LIN28B: variants seen among roughly 807,000 people sequenced by gnomAD.
LIN28B encodes protein lin-28 homolog B.
In LIN28B, 5 loss-of-function variants were observed where a neutral mutation model predicts 21.9. The observed-to-expected ratio is 0.23, with a 90% confidence interval of 0.12 to 0.48. LIN28B has a LOEUF of 0.48. Among genes scored for constraint, LIN28B ranks in the 20% least tolerant of loss-of-function variants. The pLI, the probability that LIN28B is intolerant of heterozygous loss-of-function variation, is 0.98. For synonymous variants in LIN28B, 109 were observed against 111.3 expected, an observed-to-expected ratio of 0.98 and a Z score of 0.13; for missense variants, 245 against 310.5, an observed-to-expected ratio of 0.79 and a Z score of 1.58.
intron 2 of LIN28B, among the ~76,000 whole-genome samples, chr6:105,003,812 G>A (rs545568560): frequency 6.6e-6 from 1 of 152,186 alleles, no homozygotes; most frequent in Non-Finnish European, 1.5e-5. Flanking sequence ...CACCCAGCCT[G>A]ACTTTGTTTT....
chr6:104,967,758 C>A (rs1769893704), intron 2 of LIN28B, among the ~76,000 whole-genome samples: 1 of 151,944 alleles, frequency 6.6e-6, no homozygotes, highest in Admixed American at 6.6e-5. Context: ...TAGCTCACTG[C>A]AACTTCGAAC....
At chr6:105,032,728 A>G (rs996378438) in intron 3 of LIN28B, among the ~76,000 whole-genome samples, 4 of 152,188 alleles carry the variant, frequency 2.6e-5, no homozygotes, top group South Asian at 2.1e-4. Flanking sequence ...TCAAAAAAAA[A>G]AAAATTTTTT....
intron 3 of LIN28B, among the ~76,000 whole-genome samples, chr6:105,062,124 C>T (rs992764270): frequency 7.2e-5 from 11 of 151,946 alleles, no homozygotes; most frequent in South Asian, 2.1e-4. Flanking sequence ...TTATTTTAGA[C>T]GGAATATTTT....
chr6:104,982,550 C>G lies in LIN28B; in HGVS notation c.198+24264C>G, dbSNP rs1043033781. 2.4e-4 allele frequency among the ~76,000 whole-genome samples: 37 copies of G among 152,052 alleles called. 1 individual carries two copies. The highest frequency in any genetic ancestry group is 1.0e-4 in the Non-Finnish European group (7 of 68,030). The stretch of plus-strand genomic sequence containing the variant: ...TATGACACACCAGTGCTTTATCATA[C>G]TATAGTATGCTGTCAATCTCCATGA... On this transcript the variant is annotated intron_variant, in intron 2 of 3. Transcript: ENST00000345080.
intron 2 of LIN28B, among the ~76,000 whole-genome samples, chr6:104,961,221 A>G (rs959763014): frequency 9.8e-5 from 15 of 152,330 alleles, no homozygotes; most frequent in Non-Finnish European, 1.9e-4. Context: ...TGTAAGTATT[A>G]TATTTGTGAA....
upstream of LIN28B, among the ~76,000 whole-genome samples, chr6:104,956,051 T>C (rs561731576): frequency 5.3e-5 from 8 of 152,264 alleles, no homozygotes; most frequent in Non-Finnish European, 7.4e-5. Context: ...TAGCCATTGG[T>C]AGTGGACTTT....
intron 3 of LIN28B, among the ~76,000 whole-genome samples, chr6:105,043,014 A>G (rs1356676858): frequency 1.3e-5 from 2 of 152,216 alleles, no homozygotes; most frequent in East Asian, 3.8e-4. Context: ...AGACCAAGGA[A>G]AGAACCTCTG....
intron 2 of LIN28B, among the ~76,000 whole-genome samples, chr6:105,004,492 C>A (rs1175135622): frequency 1.3e-5 from 2 of 151,862 alleles, no homozygotes; most frequent in Non-Finnish European, 2.9e-5. Context: ...CAGATATTAT[C>A]CATGAACTTC....
At chr6:105,020,860 C>G (rs1382842941) in intron 2 of LIN28B, among the ~76,000 whole-genome samples, 2 of 148,516 alleles carry the variant, frequency 1.3e-5, no homozygotes, top group Non-Finnish European at 3.0e-5. Flanking sequence ...TCACGCCATT[C>G]TCTTGCCTCA....
chr6:104,982,751 T>C (rs1419910208), intron 2 of LIN28B, among the ~76,000 whole-genome samples: 2 of 152,190 alleles, frequency 1.3e-5, no homozygotes, highest in African/African-American at 4.8e-5. Flanking sequence ...CTCATAATTA[T>C]TAAGTTAAAA....
At chr6:105,000,359 G>T (rs1770697962) in intron 2 of LIN28B, among the ~76,000 whole-genome samples, 1 of 151,602 alleles carries the variant, frequency 6.6e-6, no homozygotes, top group Admixed American at 6.6e-5. Context: ...TCACAGTAGT[G>T]TGGTGGGATT....
chr6:105,053,382 GGTGTGTGTGT>G (rs112180054), intron 3 of LIN28B, among the ~76,000 whole-genome samples: 5 of 146,552 alleles, frequency 3.4e-5, no homozygotes, highest in South Asian at 2.2e-4. Context: ...TATGTCTTAT[GGTGTGTGTGT>G]GTGTGTGTGT....
chr6:104,970,933 A>G (rs1393086028), intron 2 of LIN28B, among the ~76,000 whole-genome samples: 2 of 152,168 alleles, frequency 1.3e-5, no homozygotes. Context: ...AAGTTAAATG[A>G]GGATAAGTGT....
chr6:105,076,836 C>T (rs1351920260), intron 3 of LIN28B, among the ~76,000 whole-genome samples: 2 of 151,890 alleles, frequency 1.3e-5, no homozygotes, highest in Admixed American at 6.6e-5. Flanking sequence ...GATCTCCTGA[C>T]CTCATAATCC....
At chr6:104,966,065 G>T (rs1213971077) in intron 2 of LIN28B, among the ~76,000 whole-genome samples, 2 of 152,158 alleles carry the variant, frequency 1.3e-5, no homozygotes, top group East Asian at 3.9e-4. Context: ...GTATAGGGCT[G>T]TTAGGAGGAT....
chr6:104,998,265 C>T (rs913443742), intron 2 of LIN28B, among the ~76,000 whole-genome samples: 3 of 152,084 alleles, frequency 2.0e-5, no homozygotes, highest in African/African-American at 7.2e-5. Context: ...AATTGAAGTC[C>T]TGTGACTATA....
At chr6:104,974,089 G>T (rs1291711501) in intron 2 of LIN28B, among the ~76,000 whole-genome samples, 6 of 152,116 alleles carry the variant, frequency 3.9e-5, no homozygotes, top group African/African-American at 7.2e-5. Flanking sequence ...CATAAAATAG[G>T]CTAATAATGA....
At chr6:105,000,819 T>C (rs1205143960) in intron 2 of LIN28B, among the ~76,000 whole-genome samples, 1 of 152,198 alleles carries the variant, frequency 6.6e-6, no homozygotes, top group Non-Finnish European at 1.5e-5. Context: ...TCAGAATTAC[T>C]GTTATGTACA....
chr6:105,006,046 T>C (rs1040938552), intron 2 of LIN28B, among the ~76,000 whole-genome samples: 1 of 152,182 alleles, frequency 6.6e-6, no homozygotes, highest in African/African-American at 2.4e-5. Flanking sequence ...TTCCTTTATG[T>C]TCCTTTTTTC....
Sources: gnomAD v4.1 joint callset for allele counts (sites outside exome capture counted in the v4.1 genomes callset) on GRCh38, gnomAD v4.1.1 for gene constraint, MANE v1.5 for transcripts, NCBI Gene and HGNC (gene_info 2026-07-23, HGNC 2026-07-21) for gene names.